RPTOR: variants seen among roughly 807,000 people sequenced by gnomAD.
RPTOR encodes regulatory associated protein of MTOR complex 1, also known as regulatory-associated protein of mTOR.
RPTOR carries 21 observed loss-of-function variants against 169.9 expected under a neutral mutation model. That is an observed-to-expected ratio of 0.12 (90% CI 0.09 to 0.18). The LOEUF (loss-of-function observed/expected upper bound fraction) is 0.18. Among genes scored for constraint, RPTOR ranks in the 10% least tolerant of loss-of-function variants. The pLI, the probability that RPTOR is intolerant of heterozygous loss-of-function variation, is 1.00. For missense variants in RPTOR, 1,133 were observed against 1,855.9 expected, an observed-to-expected ratio of 0.61 and a Z score of 7.16; for synonymous variants, 732 against 753.2, an observed-to-expected ratio of 0.97 and a Z score of 0.46.
At chr17:80,687,713 C>A (rs137979584) in intron 3 of RPTOR, among the ~76,000 whole-genome samples, 1 of 152,158 alleles carries the variant, frequency 6.6e-6, no homozygotes, top group East Asian at 1.9e-4. Flanking sequence ...GGGGCAGCAC[C>A]GTGGGTGTTG....
intron 25 of RPTOR, among the ~76,000 whole-genome samples, chr17:80,944,165 G>C (rs2069069528): frequency 6.6e-6 from 1 of 152,196 alleles, no homozygotes; most frequent in South Asian, 2.1e-4. Flanking sequence ...GGGCCTGGTG[G>C]TTAAGTCCAC....
Position 80,746,976 on chromosome 17 carries a change from G to A in RPTOR, c.655-7034G>A, listed in dbSNP as rs978330237. ...GTCAGGCCTGTAACCCCAGAACTTC[G>A]GGAGGCCGAGGCAGGCAGCTCACTT... On this transcript the variant is annotated intron_variant, in intron 5 of 33. Transcript: ENST00000306801. This position sits in a 1 kb window ranked among gnomAD's most constrained non-coding sequence, Gnocchi z 4.5. Among the ~76,000 whole-genome samples, 18 of 152,038 alleles carry A rather than the reference G, an allele frequency of 1.2e-4. No individual in the cohort carries two copies. The highest frequency in any genetic ancestry group is 1.2e-3 in the Admixed American group (18 of 15,276).
intron 7 of RPTOR, among the ~76,000 whole-genome samples, chr17:80,809,476 C>G (rs569624291): frequency 6.6e-6 from 1 of 152,254 alleles, no homozygotes; most frequent in Admixed American, 6.5e-5. Context: ...CAGGCGTGAG[C>G]TACCGCGTCC....
intron 1 of RPTOR, among the ~76,000 whole-genome samples, chr17:80,617,741 C>T (rs982571857): frequency 6.6e-6 from 1 of 152,112 alleles, no homozygotes; most frequent in African/African-American, 2.4e-5. Context: ...GGATTATCGA[C>T]GACTAAAGAA....
At chr17:80,797,155 C>G (rs1448585516) in intron 7 of RPTOR, among the ~76,000 whole-genome samples, 6 of 152,094 alleles carry the variant, frequency 3.9e-5, no homozygotes, top group Non-Finnish European at 8.8e-5. Flanking sequence ...TTTTTCCAGA[C>G]AGGGATTCGC....
chr17:80,951,653 T>A (rs1598421476), intron 28 of RPTOR, among the ~76,000 whole-genome samples: 1 of 152,188 alleles, frequency 6.6e-6, no homozygotes, highest in African/African-American at 2.4e-5. Context: ...TGTCCAGGAC[T>A]GGTTCAAACC....
intron 9 of RPTOR, among the ~76,000 whole-genome samples, chr17:80,832,426 C>G (rs1164354074): frequency 1.3e-5 from 2 of 152,186 alleles, no homozygotes; most frequent in South Asian, 2.1e-4. Flanking sequence ...CCATCGCCCC[C>G]CTGTCCTGTG....
intron 4 of RPTOR, among the ~76,000 whole-genome samples, chr17:80,729,233 T>C (rs1405835667): frequency 6.6e-6 from 1 of 152,222 alleles, no homozygotes; most frequent in African/African-American, 2.4e-5. Context: ...TAAACAATCC[T>C]GTAGGCAGTA....
At chr17:80,927,076 A>G (rs2068819600) in intron 24 of RPTOR, among the ~76,000 whole-genome samples, 1 of 152,234 alleles carries the variant, frequency 6.6e-6, no homozygotes, top group African/African-American at 2.4e-5. Context: ...GCTTCTGGTT[A>G]GGAAAGGAAA....
At chr17:80,546,646 T>G (rs950620942) in intron 1 of RPTOR, among the ~76,000 whole-genome samples, 7 of 152,222 alleles carry the variant, frequency 4.6e-5, no homozygotes, top group African/African-American at 1.7e-4. Flanking sequence ...TATTTGCACA[T>G]TTCAGTGGTA....
intron 1 of RPTOR, among the ~76,000 whole-genome samples, chr17:80,560,125 G>A (rs371753355): frequency 6.6e-6 from 1 of 152,232 alleles, no homozygotes; most frequent in South Asian, 2.1e-4. Context: ...GCACAGTGCA[G>A]TCATGATCTG....
At chr17:80,919,868 G>A (rs1255453022) in intron 21 of RPTOR, among the ~76,000 whole-genome samples, 1 of 152,224 alleles carries the variant, frequency 6.6e-6, no homozygotes, top group East Asian at 1.9e-4. Flanking sequence ...CTCCCTAGAG[G>A]GCATGTTTGC....
chr17:80,872,670 G>A (rs768579302), intron 13 of RPTOR, among the ~76,000 whole-genome samples: 12 of 152,236 alleles, frequency 7.9e-5, no homozygotes, highest in South Asian at 2.1e-4. Context: ...AGAGGAACCC[G>A]GAGGGGGCTG....
chr17:80,705,988 C>T (rs2066139192), intron 3 of RPTOR, among the ~76,000 whole-genome samples: 1 of 152,198 alleles, frequency 6.6e-6, no homozygotes, highest in Non-Finnish European at 1.5e-5. Context: ...GCAGCCTCCC[C>T]TGCACGTTCC....
At chr17:80,720,623 C>T (rs2066276861) in intron 4 of RPTOR, among the ~76,000 whole-genome samples, 2 of 152,182 alleles carry the variant, frequency 1.3e-5, no homozygotes, top group Non-Finnish European at 2.9e-5. Flanking sequence ...TTCCTTGATG[C>T]CAAGAGATAC....
intron 9 of RPTOR, among the ~76,000 whole-genome samples, chr17:80,835,006 A>G (rs1173933850): frequency 1.3e-5 from 2 of 152,232 alleles, no homozygotes; most frequent in African/African-American, 2.4e-5. Flanking sequence ...TGTCTTAACA[A>G]AGAGTAAAAT....
intron 3 of RPTOR, among the ~76,000 whole-genome samples, chr17:80,700,274 C>T (rs925054975): frequency 3.2e-4 from 48 of 152,108 alleles, no homozygotes; most frequent in Non-Finnish European, 2.9e-4. Flanking sequence ...GGTTTCTAAG[C>T]GGGAGAAGGA....
intron 1 of RPTOR, among the ~76,000 whole-genome samples, chr17:80,564,272 A>C (rs977544666): frequency 7.9e-5 from 12 of 151,848 alleles, no homozygotes; most frequent in African/African-American, 2.9e-4. Flanking sequence ...CCGTGTTAGC[A>C]AGGATGGTCT....
chr17:80,725,151 C>T (rs1247521955), intron 4 of RPTOR, among the ~76,000 whole-genome samples: 2 of 152,204 alleles, frequency 1.3e-5, no homozygotes, highest in Non-Finnish European at 2.9e-5. Context: ...TGGAGGCTGG[C>T]GGGCTGCTGG....
Sources: gnomAD v4.1 joint callset for allele counts (sites outside exome capture counted in the v4.1 genomes callset) on GRCh38, gnomAD v4.1.1 for gene constraint, Gnocchi (gnomAD v3.1) non-coding constraint, MANE v1.5 for transcripts, NCBI Gene and HGNC (gene_info 2026-07-23, HGNC 2026-07-21) for gene names.